Variants in RASGRP2 observed in about 807,000 individuals in gnomAD.
RASGRP2 encodes RAS guanyl-releasing protein 2.
In RASGRP2, 44 loss-of-function variants were observed where a neutral mutation model predicts 71.0. The ratio of observed to expected loss-of-function variants is 0.62; its 90% confidence interval spans 0.49 to 0.80. RASGRP2 has a LOEUF of 0.80. RASGRP2 is among the 30% of genes least tolerant of loss of function. RASGRP2 has a pLI of 0.00. For missense variants in RASGRP2, 663 were observed against 813.4 expected (o/e 0.82, Z 2.25); for synonymous variants, 350 against 330.7 (o/e 1.06, Z -0.63).
In RASGRP2 at chr11:64,735,357, G is replaced by T. The variant is rs932893684; in HGVS notation, c.1297-130C>A. Reference sequence around the variant, plus strand: ...CAGAGAGGTCTCTGACACCACCCCCGTTCCATACCTCCACCCCCACCCTAC... The same window carrying T: ...CAGAGAGGTCTCTGACACCACCCCCTTTCCATACCTCCACCCCCACCCTAC... On this transcript the variant is annotated intron_variant, in intron 11 of 16. Transcript: ENST00000394432. This position sits in a 1 kb window ranked among gnomAD's most constrained non-coding sequence, Gnocchi z 4.2. 1.3e-5 allele frequency: 17 copies of T among 1,285,726 alleles called. No individual in the cohort carries two copies. Among genetic ancestry groups the T allele is most frequent in the Non-Finnish European group, 1.6e-5 (14 of 894,508 alleles). 79.6% of individuals were successfully genotyped at this position (1,285,726 alleles called of 1,614,324 possible).
At position 64,736,741 on chromosome 11, in the gene RASGRP2, C is replaced by T. The variant is rs1355409860; in HGVS notation, c.1095+12G>A. 1 of 1,569,788 alleles carries T rather than the reference C, an allele frequency of 6.4e-7. No homozygotes were observed. Among genetic ancestry groups the T allele is most frequent in the South Asian group, 1.2e-5 (1 of 86,156 alleles). On this transcript the variant is annotated intron_variant, in intron 9 of 16. Transcript: ENST00000394432. ...TGCCCAGCTCCCCACCTCCCTGCCCCCTGCTCCTCACCGTGAGCAGGCTCA... is the reference window on the plus strand; with the variant it reads ...TGCCCAGCTCCCCACCTCCCTGCCCTCTGCTCCTCACCGTGAGCAGGCTCA...
At chr11:64,744,329 T>G (rs2058238447), upstream of RASGRP2, 2 of 985,098 alleles carry the variant, frequency 2.0e-6, no homozygotes, top group South Asian at 4.7e-5. Context: ...CTACACATAC[T>G]CACTCCCCCA....
chr11:64,737,954 G>A (rs1052051533), intron 8 of RASGRP2, among the ~76,000 whole-genome samples: 14 of 151,636 alleles, frequency 9.2e-5, no homozygotes, highest in African/African-American at 2.7e-4. Context: ...GCTGAGGCAC[G>A]AGAATCACGT....
At chr11:64,730,445 C>A (rs906729422) in intron 12 of RASGRP2, among the ~76,000 whole-genome samples, 1 of 152,246 alleles carries the variant, frequency 6.6e-6, no homozygotes, top group Non-Finnish European at 1.5e-5. Context: ...CTGCCCACTT[C>A]ACACTTGGTG....
intron 12 of RASGRP2, among the ~76,000 whole-genome samples, chr11:64,730,592 G>A (rs1046430431): frequency 4.6e-5 from 7 of 152,252 alleles, no homozygotes; most frequent in Non-Finnish European, 7.3e-5. Flanking sequence ...GAGATTGGGA[G>A]AAATCGCATC....
At chr11:64,730,227 G>C (rs1321359732) in intron 12 of RASGRP2, 33 bp from the exon 13 acceptor site, 12 of 1,551,324 alleles carry the variant, frequency 7.7e-6, no homozygotes, top group Non-Finnish European at 9.6e-6. Context: ...TTCAGCTCGG[G>C]CCCTCCCCAG....
chr11:64,741,612 C>A (rs1311438302), intron 3 of RASGRP2, 111 bp from the exon 4 acceptor site: 2 of 984,324 alleles, frequency 2.0e-6, no homozygotes, highest in East Asian at 2.6e-5. Context: ...ATGGGGCTTG[C>A]GCTCTGCGGA....
Position 64,740,095 on chromosome 11 carries a change from G to A in RASGRP2, c.440C>T (p.Ser147Phe). Residue 147 changes from serine (S) to phenylalanine (F), a missense_variant, in exon 6 of 17, where the codon TCC (serine) becomes TTC (phenylalanine). Ser to Phe is a radical substitution (Grantham distance 155). Transcript: ENST00000394432. Reference sequence around the variant, plus strand: ...GGGCTCCAGGTGGTCAAACAACAGGGACATCTTGCGCTTTTTCTGTCCCAC... The same window carrying A: ...GGGCTCCAGGTGGTCAAACAACAGGAACATCTTGCGCTTTTTCTGTCCCAC... ...NPVGQKKRKMSLLFDHLEPME... is the reference protein window; with the variant it reads ...NPVGQKKRKMFLLFDHLEPME... 3.1e-6 allele frequency: 5 copies of A among 1,614,150 alleles called. No homozygotes were observed. Among genetic ancestry groups the A allele is most frequent in the Non-Finnish European group, 4.2e-6 (5 of 1,180,020 alleles).
chr11:64,743,863 G>A lies in RASGRP2; in HGVS notation c.-72+140C>T. 2 of 447,808 alleles carry A rather than the reference G, an allele frequency of 4.5e-6. No homozygotes were observed. The highest frequency in any genetic ancestry group is 4.3e-5 in the South Asian group (1 of 23,390). The allele number at this position is 447,808 out of a possible 1,614,324, so 27.7% of individuals were successfully genotyped here. A position where few individuals can be genotyped will look rare whatever the true frequency, so the allele number is the denominator to read the frequency against. On this transcript the variant is annotated intron_variant, in intron 1 of 16. Transcript: ENST00000394432. The surrounding 1 kb of genome is among the most constrained non-coding windows in gnomAD (Gnocchi z 4.9). ...ACACCCAAGTTATTCGTCGGAGGCC[G>A]GGGACCTAAGTGGAGGTGCAGGCGT...
chr11:64,740,981 C>T lies in RASGRP2; in HGVS notation c.338G>A (p.Arg113Gln). ...LKALLDQEGN[R>Q]RHSSLIDIDS... ...TATGTCGATTAGGCTGCTGTGCCGT[C>T]GGTTCCCTTCTTGGTCTAGCAGAGC... The change falls in exon 5 of 17, where the codon CGA becomes CAA. Residue 113 changes from arginine to glutamine, a missense_variant. Arg to Gln is a conservative substitution (Grantham distance 43, BLOSUM62 1). Transcript: ENST00000394432. The T allele has an allele frequency of 6.2e-7, 1 of 1,613,948 alleles. No homozygotes were observed. The highest frequency in any genetic ancestry group is 8.5e-7 in the Non-Finnish European group (1 of 1,179,994).
At chr11:64,737,832 T>C (rs989488898) in intron 8 of RASGRP2, among the ~76,000 whole-genome samples, 3 of 151,888 alleles carry the variant, frequency 2.0e-5, no homozygotes, top group Admixed American at 6.6e-5. Context: ...AGCGGGTGGA[T>C]TGCCTGAGCT....
In RASGRP2 at chr11:64,735,516, A is replaced by T; in HGVS notation, c.1296+26T>A. 1 of 1,613,376 alleles carries T rather than the reference A, an allele frequency of 6.2e-7. No individual in the cohort carries two copies. The highest frequency in any genetic ancestry group is 8.5e-7 in the Non-Finnish European group (1 of 1,179,974). ...CCGGCAAACTGGCCTCTCCCCACAC[A>T]CTGCTCAGGCTCCGCAGGAGCTCAC... On this transcript the variant is annotated intron_variant, in intron 11 of 16. Transcript: ENST00000394432. The surrounding 1 kb of genome is among the most constrained non-coding windows in gnomAD (Gnocchi z 4.2).
At position 64,739,775 on chromosome 11, in the gene RASGRP2, C is replaced by T. The variant is rs753229128; in HGVS notation, c.557G>A (p.Cys186Tyr). 3 of 1,613,914 alleles carry T rather than the reference C, an allele frequency of 1.9e-6. No individual in the cohort carries two copies. ...CTCCAGGACGGGGTTGTCCACAGTG[C>T]AGCCATGAGTCACGAAACTGTGATA... is the stretch of plus-strand genomic sequence containing the variant. ...QDYHSFVTHG[C>Y]TVDNPVLERF... Residue 186 changes from cysteine to tyrosine, a missense_variant, in exon 7 of 17, where the codon TGC becomes TAC. By Grantham distance (194) the Cys-to-Tyr change is radical (BLOSUM62 -2). Coordinates refer to ENST00000394432, the MANE Select transcript of RASGRP2 (RefSeq NM_001098671.2). This position sits in a 1 kb window ranked among gnomAD's most constrained non-coding sequence, Gnocchi z 4.2.
chr11:64,741,629 G>A, intron 3 of RASGRP2, 128 bp from the exon 4 acceptor site: 1 of 869,858 alleles, frequency 1.1e-6, no homozygotes, highest in East Asian at 2.6e-5. Flanking sequence ...CGGAGATGCT[G>A]GGGGTGAGGC....
chr11:64,727,914 G>T (rs2057626138), intron 15 of RASGRP2, among the ~76,000 whole-genome samples: 1 of 152,162 alleles, frequency 6.6e-6, no homozygotes, highest in Non-Finnish European at 1.5e-5. Context: ...TGTCAATTTT[G>T]TGTGTATTTC....
At chr11:64,731,369 A>AG (rs1186187784) in intron 12 of RASGRP2, among the ~76,000 whole-genome samples, 161 of 151,872 alleles carry the variant, frequency 1.1e-3, no homozygotes, top group African/African-American at 3.7e-3. Context: ...GAAAAAAAAA[A>AG]AAAAAAGAAA....
Position 64,735,818 on chromosome 11 carries a change from T to C in RASGRP2, c.1173+85A>G. On this transcript the variant is annotated intron_variant, in intron 10 of 16. Coordinates refer to ENST00000394432, the MANE Select transcript of RASGRP2 (RefSeq NM_001098671.2). The surrounding 1 kb of genome is among the most constrained non-coding windows in gnomAD (Gnocchi z 4.2). ...TGTCCTACAAGATGGATGGGTGAGG[T>C]GGCTGCTAAGAGCTCTTCCCATCCT... 9.4e-6 allele frequency: 14 copies of C among 1,492,024 alleles called. No individual in the cohort carries two copies. Among genetic ancestry groups the C allele is most frequent in the Non-Finnish European group, 1.3e-5 (14 of 1,087,406 alleles). The allele number at this position is 1,492,024 out of a possible 1,614,324, so 92.4% of individuals were successfully genotyped here.
In RASGRP2 at chr11:64,742,599, G is replaced by C. The variant is rs1292968269; in HGVS notation, c.73+195C>G. 1.3e-6 allele frequency: 1 copy of C among 745,968 alleles called. No homozygotes were observed. Among genetic ancestry groups the C allele is most frequent in the Non-Finnish European group, 2.2e-6 (1 of 455,830 alleles). 46.2% of individuals were successfully genotyped at this position (745,968 alleles called of 1,614,324 possible). On this transcript the variant is annotated intron_variant, in intron 2 of 16. Transcript: ENST00000394432. The surrounding 1 kb of genome is among the most constrained non-coding windows in gnomAD (Gnocchi z 4.7). Reference sequence around the variant, plus strand: ...CGCCGCTGGGGAAGGCTAGAGAAGGGAAACCTCATCTGTCTGAAGGGCGTG... The same window carrying C: ...CGCCGCTGGGGAAGGCTAGAGAAGGCAAACCTCATCTGTCTGAAGGGCGTG...
intron 13 of RASGRP2, 25 bp downstream of exon 13, chr11:64,730,028 C>A: frequency 6.5e-7 from 1 of 1,547,296 alleles, no homozygotes; most frequent in Non-Finnish European, 8.7e-7. Context: ...TGGCTTGGGC[C>A]GTGAGCCGGG....
Sources: allele counts gnomAD v4.1 joint callset (sites outside exome capture counted in the v4.1 genomes callset), GRCh38; gene constraint gnomAD v4.1.1; non-coding constraint Gnocchi (gnomAD v3.1); transcripts MANE v1.5; gene names NCBI Gene and HGNC (gene_info 2026-07-23, HGNC 2026-07-21).